The following GTF2H5 variants were observed in gnomAD, a reference collection of about 807,000 sequenced individuals.
GTF2H5 encodes the protein general transcription factor IIH subunit 5.
GTF2H5 carries 5 observed loss-of-function variants against 7.1 expected under a neutral mutation model. The ratio of observed to expected loss-of-function variants is 0.71; its 90% CI spans 0.37 to 1.49. GTF2H5 has a LOEUF of 1.49. GTF2H5 is among the 40% of genes most tolerant of loss of function. The pLI, the probability that GTF2H5 is intolerant of heterozygous loss-of-function variation, is 0.03. For missense variants in GTF2H5, 80 were observed against 83.0 expected, an observed-to-expected ratio of 0.96 and a Z score of 0.14; for synonymous variants, 30 against 31.7, an observed-to-expected ratio of 0.95 and a Z score of 0.18.
rs761887721 is a variant in GTF2H5 at position 158,195,700 on chromosome 6, A to G, written c.*3543A>G. ...GTACTTACTACTCTATTTTGCAGTT[A>G]TACAATAAATCTTACTTAGCTGACA... On this transcript the variant is annotated 3_prime_UTR_variant, in exon 3 of 3. Coordinates refer to ENST00000607778, the MANE Select transcript of GTF2H5 (RefSeq NM_207118.3). 9.9e-5 allele frequency: 15 copies of G among 152,212 alleles called. No individual in the cohort carries two copies. The highest frequency in any genetic ancestry group is 1.9e-4 in the Non-Finnish European group (13 of 68,052). The allele number at this position is 152,212 out of a possible 1,614,324, so 9.4% of individuals were successfully genotyped here.
intron 2 of GTF2H5, among the ~76,000 whole-genome samples, chr6:158,189,826 T>A (rs528278198): frequency 6.6e-6 from 1 of 152,358 alleles, no homozygotes; most frequent in Admixed American, 6.5e-5. Flanking sequence ...TTCCCTATTA[T>A]GACTCCACCA....
At chr6:158,183,594 C>G (rs1786037488) in intron 2 of GTF2H5, among the ~76,000 whole-genome samples, 1 of 152,330 alleles carries the variant, frequency 6.6e-6, no homozygotes, top group African/African-American at 2.4e-5. Context: ...ACCGCCTACT[C>G]AAGCCTCAGC....
intron 2 of GTF2H5, among the ~76,000 whole-genome samples, chr6:158,187,928 G>A (rs1487813324): frequency 6.6e-6 from 1 of 152,194 alleles, no homozygotes; most frequent in African/African-American, 2.4e-5. Flanking sequence ...AGGTGGGTAT[G>A]AGGCATGCCC....
chr6:158,179,602 A>G (rs185725855), intron 2 of GTF2H5, among the ~76,000 whole-genome samples: 37 of 152,298 alleles, frequency 2.4e-4, no homozygotes, highest in Admixed American at 2.2e-3. Context: ...GTTAGTAGCA[A>G]TTGTGAATGG....
intron 2 of GTF2H5, among the ~76,000 whole-genome samples, chr6:158,174,999 C>T (rs1785909789): frequency 9.3e-6 from 1 of 107,874 alleles, no homozygotes; most frequent in Non-Finnish European, 1.8e-5. Flanking sequence ...GCACCCAAAA[C>T]TGTGCCTGAG....
At position 158,192,139 on chromosome 6, in the gene GTF2H5, T is replaced by TCAAGG; in HGVS notation, c.198_199insCAAGG (p.Ser67GlnfsTer23). 6.2e-7 allele frequency: 1 copy of TCAAGG among 1,612,872 alleles called. No homozygotes were observed. Reference sequence around the variant, plus strand: ...GTGAATTAATGGACCAAAATGCTTTTTCCCTTACCCAGAAATGAAAATACT... The same window carrying TCAAGG: ...GTGAATTAATGGACCAAAATGCTTTTCAAGGTCCCTTACCCAGAAATGAAAATACT... On this transcript the variant is annotated frameshift_variant, in exon 3 of 3. Coordinates refer to ENST00000607778, the MANE Select transcript of GTF2H5 (RefSeq NM_207118.3). LOFTEE classifies it high-confidence loss of function.
intron 1 of GTF2H5, 150 bp from the exon 2 acceptor site, chr6:158,170,320 A>G: frequency 1.7e-6 from 1 of 606,030 alleles, no homozygotes; most frequent in Non-Finnish European, 2.9e-6. Flanking sequence ...AAAAAATCAG[A>G]ATGTCTTTTT....
chr6:158,169,411 A>ATATATTATATATAATATATTG (rs1785724926), intron 1 of GTF2H5, among the ~76,000 whole-genome samples: 1 of 88,862 alleles, frequency 1.1e-5, no homozygotes, highest in African/African-American at 5.5e-5. Flanking sequence ...ATTGTATATT[A>ATATATTATATATAATATATTG]TATATTATAT....
intron 2 of GTF2H5, among the ~76,000 whole-genome samples, chr6:158,184,203 G>A (rs918697345): frequency 2.0e-5 from 3 of 152,028 alleles, no homozygotes; most frequent in African/African-American, 7.3e-5. Flanking sequence ...TCACCAGCAA[G>A]GTAGTGATTT....
In GTF2H5 at chr6:158,169,667, G is replaced by GTATAATA. The variant is rs1162593511; in HGVS notation, c.-34-799_-34-798insATATATA. ...TATTGTATATTACATATAATATATT[G>GTATAATA]TATATTATATAATATATAATATATA... On this transcript the variant is annotated intron_variant, in intron 1 of 2. Coordinates refer to ENST00000607778, the MANE Select transcript of GTF2H5 (RefSeq NM_207118.3). Among the ~76,000 whole-genome samples, 12 of 51,192 alleles carry GTATAATA rather than the reference G, an allele frequency of 2.3e-4. 1 individual carries two copies. Among genetic ancestry groups the GTATAATA allele is most frequent in the African/African-American group, 1.0e-3 (12 of 11,808 alleles). The allele number at this position is 51,192 out of a possible 152,430, so 33.6% of individuals were successfully genotyped here. A position where few individuals can be genotyped will look rare whatever the true frequency, so the allele number is the denominator to read the frequency against.
chr6:158,169,681 A>ATTG (rs1562469138), intron 1 of GTF2H5, among the ~76,000 whole-genome samples: 1 of 52,512 alleles, frequency 1.9e-5, no homozygotes, highest in African/African-American at 1.0e-4. Flanking sequence ...ATTATATAAT[A>ATTG]TATAATATAT....
At chr6:158,182,044 T>C (rs1347466572) in intron 2 of GTF2H5, among the ~76,000 whole-genome samples, 1 of 152,220 alleles carries the variant, frequency 6.6e-6, no homozygotes, top group Non-Finnish European at 1.5e-5. Flanking sequence ...AGTGTTTCCT[T>C]CAGGAGCTCT....
At chr6:158,169,706 TG>T in intron 1 of GTF2H5, among the ~76,000 whole-genome samples, 1 of 74,182 alleles carries the variant, frequency 1.3e-5, no homozygotes, top group African/African-American at 5.7e-5. Flanking sequence ...TATAATATAT[TG>T]TATATTATAT....
chr6:158,178,397 C>T (rs1011471836), intron 2 of GTF2H5, among the ~76,000 whole-genome samples: 5 of 139,044 alleles, frequency 3.6e-5, no homozygotes, highest in African/African-American at 1.4e-4. Context: ...GTGGAGCTTG[C>T]AGTGAGCCAA....
chr6:158,185,193 T>G (rs1402151859), intron 2 of GTF2H5, among the ~76,000 whole-genome samples: 1 of 151,816 alleles, frequency 6.6e-6, no homozygotes, highest in East Asian at 1.9e-4. Flanking sequence ...AATCATTACA[T>G]GTTATCTTTA....
At chr6:158,181,617 A>G (rs1427067914) in intron 2 of GTF2H5, among the ~76,000 whole-genome samples, 1 of 151,632 alleles carries the variant, frequency 6.6e-6, no homozygotes, top group Non-Finnish European at 1.5e-5. Flanking sequence ...TCCCTTTACC[A>G]TTATGTAATG....
At chr6:158,174,906 T>C (rs978960059) in intron 2 of GTF2H5, among the ~76,000 whole-genome samples, 46 of 152,062 alleles carry the variant, frequency 3.0e-4, no homozygotes, top group African/African-American at 9.7e-4. Flanking sequence ...AGTCTAACCA[T>C]TGTTCTGTTT....
chr6:158,172,793 T>C (rs187957424), intron 2 of GTF2H5, among the ~76,000 whole-genome samples: 17 of 152,316 alleles, frequency 1.1e-4, no homozygotes, highest in Admixed American at 1.1e-3. Flanking sequence ...AATAACTTAG[T>C]CTGTTTCCAA....
At chr6:158,180,409 C>G (rs937286958) in intron 2 of GTF2H5, among the ~76,000 whole-genome samples, 3 of 152,204 alleles carry the variant, frequency 2.0e-5, no homozygotes, top group Admixed American at 2.0e-4. Flanking sequence ...AGGATTCCCT[C>G]TTTTTCTGTT....
Sources: gnomAD v4.1 joint callset for allele counts (sites outside exome capture counted in the v4.1 genomes callset) on GRCh38, gnomAD v4.1.1 for gene constraint, MANE v1.5 for transcripts, NCBI Gene and HGNC (gene_info 2026-07-23, HGNC 2026-07-21) for gene names.